Variants in NCOA6 observed in about 807,000 individuals in gnomAD.
NCOA6 encodes nuclear receptor coactivator 6.
In NCOA6, 49 loss-of-function variants were observed where a neutral mutation model predicts 171.4. The observed-to-expected ratio is 0.29, with a 90% CI of 0.23 to 0.36. The LOEUF (loss-of-function observed/expected upper bound fraction) is 0.36, where lower values mean the gene tolerates loss of function less well. NCOA6 is among the 10% of genes least tolerant of loss of function. The pLI is 1.00. For missense variants in NCOA6, 2,248 were observed against 2,554.5 expected (o/e 0.88, Z 2.59); for synonymous variants, 910 against 927.5 (o/e 0.98, Z 0.34).
At chr20:34,787,726 C>T (rs1401031237) in intron 2 of NCOA6, among the ~76,000 whole-genome samples, 1 of 152,112 alleles carries the variant, frequency 6.6e-6, no homozygotes, top group Admixed American at 6.6e-5. Context: ...TAAGGGTGAG[C>T]CAGGGTAGGG....
chr20:34,734,443 A>G (rs2075887897), intron 12 of NCOA6, among the ~76,000 whole-genome samples: 1 of 152,042 alleles, frequency 6.6e-6, no homozygotes, highest in African/African-American at 2.4e-5. Context: ...TGCAGCCTCA[A>G]CCTCCTTGGG....
chr20:34,756,395 G>T lies in NCOA6; in HGVS notation c.1528+825C>A, dbSNP rs370121796. On this transcript the variant is annotated intron_variant, in intron 7 of 14. Transcript: ENST00000359003. ...CTATGTTGCACTAAAGATGCAAGGG[G>T]TTTTTTCTGGGTAGGCAATGGGTGT... 3.9e-5 allele frequency among the ~76,000 whole-genome samples: 6 copies of T among 152,308 alleles called. No individual in the cohort carries two copies. The East Asian group carries it at 1.2e-3, about 29-fold the overall frequency.
intron 11 of NCOA6, among the ~76,000 whole-genome samples, chr20:34,739,473 C>T (rs1472308238): frequency 6.6e-6 from 1 of 152,162 alleles, no homozygotes; most frequent in Non-Finnish European, 1.5e-5. Context: ...TCATGAAACC[C>T]AGTTTTCTTC....
At chr20:34,727,209 C>A in intron 14 of NCOA6, 50 bp downstream of exon 14, 1 of 1,591,442 alleles carries the variant, frequency 6.3e-7, no homozygotes, top group Non-Finnish European at 8.6e-7. Context: ...GTGGTAAGAA[C>A]TCTATTCCTC....
At position 34,757,933 on chromosome 20, in the gene NCOA6, T is replaced by G; in HGVS notation, c.815A>C (p.Gln272Pro). 6.2e-7 allele frequency: 1 copy of G among 1,613,854 alleles called. No homozygotes were observed. Among genetic ancestry groups the G allele is most frequent in the Non-Finnish European group, 8.5e-7 (1 of 1,179,844 alleles). ...TTGCTGTTGTTGCTGCTGCTGCTGC[T>G]GCTGCTGCTGTTGTTGTTGTTGCTG... ...QQQQQQQQQQ[Q>P]QQQQQQQQQQ... Residue 272 changes from glutamine (Q) to proline (P), a missense_variant, in exon 7 of 15, where the codon CAG becomes CCG. This residue lies in a region of NCOA6 where 987 missense variants were observed against 1,104.7 expected (regional missense o/e 0.89). Coordinates refer to ENST00000359003, the MANE Select transcript of NCOA6 (RefSeq NM_014071.5).
At chr20:34,808,013 G>A (rs2078519030) in intron 1 of NCOA6, among the ~76,000 whole-genome samples, 1 of 151,752 alleles carries the variant, frequency 6.6e-6, no homozygotes, top group South Asian at 2.1e-4. Context: ...AGCTGGGTGT[G>A]GTGGCAGGCG....
chr20:34,782,477 A>T, intron 2 of NCOA6, 73 bp from the exon 3 acceptor site: 1 of 375,696 alleles, frequency 2.7e-6, no homozygotes, highest in Non-Finnish European at 4.7e-6. Flanking sequence ...TCATAGTTCT[A>T]TGAAAATTAT....
In NCOA6 at chr20:34,797,098, C is replaced by T. The variant is rs75224415; in HGVS notation, c.-163-4535G>A. The stretch of plus-strand genomic sequence containing the variant: ...AAGGGGGCTCCTCTGGCTACATTTC[C>T]CCACGAGTCATTTGACTCATGATAA... On this transcript the variant is annotated intron_variant, in intron 1 of 14. Coordinates refer to ENST00000359003, the MANE Select transcript of NCOA6 (RefSeq NM_014071.5). 4.6e-5 allele frequency among the ~76,000 whole-genome samples: 7 copies of T among 152,218 alleles called. No homozygotes were observed. The East Asian group carries it at 1.4e-3, about 29-fold the overall frequency.
rs115201898 is a variant in NCOA6 at position 34,775,925 on chromosome 20, A to C, written c.391+368T>G. Among the ~76,000 whole-genome samples, 1,161 of 152,324 alleles carry C rather than the reference A, an allele frequency of 7.6e-3. 16 individuals are homozygous for C. Among genetic ancestry groups the C allele is most frequent in the African/African-American group, 0.027 (1,119 of 41,582 alleles). The stretch of plus-strand genomic sequence containing the variant: ...AGAGTTTGAGTCCAGCCTGGGCAAC[A>C]CAGAAAGACACTGTCTCTAAAAATA... On this transcript the variant is annotated intron_variant, in intron 4 of 14. Coordinates refer to ENST00000359003, the MANE Select transcript of NCOA6 (RefSeq NM_014071.5).
intron 6 of NCOA6, 86 bp from the exon 7 acceptor site, chr20:34,758,190 G>C (rs2076708886): frequency 6.7e-7 from 1 of 1,492,324 alleles, no homozygotes; most frequent in Non-Finnish European, 8.9e-7. Context: ...TGGATATACA[G>C]AGCAAAATCT....
chr20:34,767,464 T>C (rs1391940614), intron 5 of NCOA6, among the ~76,000 whole-genome samples: 2 of 151,986 alleles, frequency 1.3e-5, no homozygotes, highest in African/African-American at 4.8e-5. Context: ...CCTAGCTAAT[T>C]TTTGTATTTT....
At chr20:34,786,226 T>G (rs1031596357) in intron 2 of NCOA6, among the ~76,000 whole-genome samples, 4 of 152,176 alleles carry the variant, frequency 2.6e-5, no homozygotes, top group African/African-American at 9.7e-5. Flanking sequence ...ATTTAATTCT[T>G]TTTTCTTCTT....
chr20:34,727,237 G>T, intron 14 of NCOA6, 22 bp downstream of exon 14: 2 of 1,610,764 alleles, frequency 1.2e-6, no homozygotes, highest in Non-Finnish European at 8.5e-7. Context: ...CCCACAAATA[G>T]CACCCACATC....
intron 12 of NCOA6, among the ~76,000 whole-genome samples, chr20:34,735,168 A>G (rs994731597): frequency 1.3e-5 from 2 of 152,042 alleles, no homozygotes; most frequent in Admixed American, 6.6e-5. Context: ...GGTAAATCCT[A>G]TTTTCTAGAG....
At chr20:34,753,734 TAGAG>T (rs778049524) in intron 8 of NCOA6, among the ~76,000 whole-genome samples, 4 of 152,012 alleles carry the variant, frequency 2.6e-5, no homozygotes, top group Non-Finnish European at 5.9e-5. Context: ...CATTAGCAGA[TAGAG>T]AAATTCAAGC....
intron 11 of NCOA6, among the ~76,000 whole-genome samples, chr20:34,737,765 A>G (rs2076001612): frequency 6.6e-6 from 1 of 152,242 alleles, no homozygotes; most frequent in Non-Finnish European, 1.5e-5. Flanking sequence ...TGAATTTTGT[A>G]TATTTCCCTC....
At chr20:34,802,713 A>T (rs2078297179) in intron 1 of NCOA6, among the ~76,000 whole-genome samples, 1 of 152,220 alleles carries the variant, frequency 6.6e-6, no homozygotes, top group African/African-American at 2.4e-5. Context: ...CAACTAAGCA[A>T]AATATAGGTT....
intron 14 of NCOA6, among the ~76,000 whole-genome samples, chr20:34,720,171 C>G (rs186955611): frequency 6.6e-6 from 1 of 152,242 alleles, no homozygotes; most frequent in East Asian, 1.9e-4. Flanking sequence ...AACAACTATT[C>G]TAAATGGAGG....
intron 2 of NCOA6, among the ~76,000 whole-genome samples, chr20:34,788,801 C>T (rs368174554): frequency 1.3e-5 from 2 of 152,250 alleles, no homozygotes; most frequent in East Asian, 1.9e-4. Context: ...CAAAATTAGC[C>T]GGGCATGGTG....
Sources: allele counts gnomAD v4.1 joint callset (sites outside exome capture counted in the v4.1 genomes callset), GRCh38; gene constraint gnomAD v4.1.1; regional missense constraint gnomAD v4.1.1; transcripts MANE v1.5; gene names NCBI Gene and HGNC (gene_info 2026-07-23, HGNC 2026-07-21).